GBE1: variants seen among roughly 807,000 people sequenced by gnomAD.
GBE1 encodes the protein 1,4-alpha-glucan-branching enzyme.
In GBE1, 70 loss-of-function variants were observed where a neutral mutation model predicts 88.8. The ratio of observed to expected loss-of-function variants is 0.79; its 90% CI spans 0.65 to 0.96. The LOEUF is 0.96. Ranked by LOEUF, GBE1 falls within the 40% of genes least tolerant of loss-of-function variation. The pLI is 0.00. For synonymous variants in GBE1, 284 were observed against 300.1 expected (o/e 0.95, Z 0.56); for missense variants, 872 against 871.0 (o/e 1.00, Z -0.01).
chr3:81,528,889 T>C (rs192257141), intron 14 of GBE1, among the ~76,000 whole-genome samples: 163 of 152,192 alleles, frequency 1.1e-3, no homozygotes, highest in Admixed American at 3.0e-3. Context: ...ATGTTTATTG[T>C]AGGCAGTAGA....
chr3:81,521,807 C>A (rs181248111), intron 14 of GBE1, among the ~76,000 whole-genome samples: 1 of 151,308 alleles, frequency 6.6e-6, no homozygotes, highest in East Asian at 2.0e-4. Context: ...AAATTATTAA[C>A]TGAATAAATA....
At chr3:81,499,363 T>C (rs1474001370) in intron 14 of GBE1, 136 bp from the exon 15 acceptor site, 1 of 679,418 alleles carries the variant, frequency 1.5e-6, no homozygotes, top group Non-Finnish European at 2.7e-6. Context: ...ATTTCTTCTT[T>C]TATAGTTTTA....
chr3:81,638,631 C>A (rs1021963323), intron 7 of GBE1, among the ~76,000 whole-genome samples: 1 of 152,162 alleles, frequency 6.6e-6, no homozygotes, highest in Non-Finnish European at 1.5e-5. Context: ...CTGTGATGAA[C>A]TGTCATTACT....
chr3:81,555,057 A>G (rs1033614477), intron 12 of GBE1, among the ~76,000 whole-genome samples: 1 of 152,174 alleles, frequency 6.6e-6, no homozygotes, highest in African/African-American at 2.4e-5. Flanking sequence ...TAGCAGCATG[A>G]CAGCTGGTGG....
At chr3:81,624,692 T>C (rs1173962659) in intron 7 of GBE1, among the ~76,000 whole-genome samples, 2 of 151,882 alleles carry the variant, frequency 1.3e-5, no homozygotes, top group East Asian at 3.9e-4. Context: ...AATAAGAAAA[T>C]AACCTAGTAG....
At chr3:81,629,965 T>C (rs1337842642) in intron 7 of GBE1, among the ~76,000 whole-genome samples, 2 of 149,386 alleles carry the variant, frequency 1.3e-5, no homozygotes, top group Non-Finnish European at 3.0e-5. Flanking sequence ...GAACATGCAG[T>C]GTTTGGTTTT....
At chr3:81,566,530 A>G (rs1378367026) in intron 12 of GBE1, among the ~76,000 whole-genome samples, 1 of 152,176 alleles carries the variant, frequency 6.6e-6, no homozygotes, top group Non-Finnish European at 1.5e-5. Flanking sequence ...AGGCTGGATC[A>G]ATTTGTACTC....
At chr3:81,513,898 C>T (rs576989528) in intron 14 of GBE1, among the ~76,000 whole-genome samples, 2 of 151,750 alleles carry the variant, frequency 1.3e-5, no homozygotes, top group African/African-American at 2.4e-5. Flanking sequence ...AGAGATGGAA[C>T]TTGAACCTCA....
chr3:81,673,332 C>T (rs755263526), intron 2 of GBE1, among the ~76,000 whole-genome samples: 3 of 151,788 alleles, frequency 2.0e-5, no homozygotes, highest in Non-Finnish European at 4.4e-5. Flanking sequence ...TAAATATGTA[C>T]TCCGTGCTTA....
chr3:81,760,346 T>C (rs1308429796), intron 1 of GBE1, among the ~76,000 whole-genome samples: 1 of 152,238 alleles, frequency 6.6e-6, no homozygotes, highest in Non-Finnish European at 1.5e-5. Flanking sequence ...ACAAACAATT[T>C]GCTGGGCTTT....
In GBE1 at chr3:81,761,498, G is replaced by A. The variant is rs765422566; in HGVS notation, c.20C>T (p.Pro7Leu). ...CTCGTAGTCCTCGGGCCGAGCCGCG[G>A]GAGTCATCGGAGCCGCCATATTCCG... MAAPMT[P>L]AARPEDYEAA... The change falls in exon 1 of 16, where the codon CCC (proline) becomes CTC (leucine). Residue 7 changes from proline (P) to leucine (L), a missense_variant. Transcript: ENST00000429644. 13 of 1,606,800 alleles carry A rather than the reference G, an allele frequency of 8.1e-6. No individual in the cohort carries two copies. The highest frequency in any genetic ancestry group is 1.7e-4 in the Middle Eastern group (1 of 5,724).
intron 7 of GBE1, among the ~76,000 whole-genome samples, chr3:81,622,088 C>T (rs1423433339): frequency 6.6e-6 from 1 of 152,184 alleles, no homozygotes; most frequent in Non-Finnish European, 1.5e-5. Context: ...ACCAAACCCA[C>T]TTTTCTACTA....
chr3:81,518,090 C>T (rs1702821628), intron 14 of GBE1, among the ~76,000 whole-genome samples: 1 of 151,300 alleles, frequency 6.6e-6, no homozygotes, highest in Non-Finnish European at 1.5e-5. Context: ...ACAAATGTTC[C>T]TCCCCCCCAA....
rs112216177 is a variant in GBE1, at chr3:81,721,309, T to A, written c.144-15696A>T. On this transcript the variant is annotated intron_variant, in intron 1 of 15. Coordinates refer to ENST00000429644, the MANE Select transcript of GBE1 (RefSeq NM_000158.4). ...TGTAAGTACAACTAAATCTGTGTGC[T>A]AATAATGTCATACTGATACTTAATT... is the stretch of plus-strand genomic sequence containing the variant. Among the ~76,000 whole-genome samples the A allele has an allele frequency of 6.8e-4, 101 of 148,420 alleles. 2 individuals carry two copies. The highest frequency in any genetic ancestry group is 2.4e-3 in the African/African-American group (97 of 40,034).
At chr3:81,640,595 C>T (rs938413490) in intron 7 of GBE1, among the ~76,000 whole-genome samples, 1 of 151,632 alleles carries the variant, frequency 6.6e-6, no homozygotes, top group Admixed American at 6.6e-5. Context: ...AATAAACTCC[C>T]CTTGATAAAT....
chr3:81,621,567 C>G (rs1704333900), intron 7 of GBE1, among the ~76,000 whole-genome samples: 1 of 152,104 alleles, frequency 6.6e-6, no homozygotes, highest in Non-Finnish European at 1.5e-5. Context: ...TTCTTCACCC[C>G]CCAACAGAAA....
intron 14 of GBE1, among the ~76,000 whole-genome samples, chr3:81,526,907 G>T (rs1702951191): frequency 6.6e-6 from 1 of 152,044 alleles, no homozygotes; most frequent in African/African-American, 2.4e-5. Context: ...AGCCCGCATT[G>T]CCAAGTCAAT....
rs114318202 is a variant in GBE1 at position 81,747,052 on chromosome 3, G to C, written c.143+14323C>G. 3.9e-5 allele frequency among the ~76,000 whole-genome samples: 6 copies of C among 152,004 alleles called. No homozygotes were observed. The South Asian group carries it at 1.2e-3, about 32-fold the overall frequency. ...CACACATAAGCAATAAAATAAACCTGGACTTAAACCTAAAACATTACACAA... is the reference window on the plus strand; with the variant it reads ...CACACATAAGCAATAAAATAAACCTCGACTTAAACCTAAAACATTACACAA... On this transcript the variant is annotated intron_variant, in intron 1 of 15. Coordinates refer to ENST00000429644, the MANE Select transcript of GBE1 (RefSeq NM_000158.4).
intron 14 of GBE1, among the ~76,000 whole-genome samples, chr3:81,505,669 A>C (rs1389470843): frequency 6.6e-6 from 1 of 152,144 alleles, no homozygotes; most frequent in African/African-American, 2.4e-5. Context: ...CAGGAGTGGC[A>C]AAGACTTGTG....
Sources: gnomAD v4.1 joint callset for allele counts (sites outside exome capture counted in the v4.1 genomes callset) on GRCh38, gnomAD v4.1.1 for gene constraint, MANE v1.5 for transcripts, NCBI Gene and HGNC (gene_info 2026-07-23, HGNC 2026-07-21) for gene names.